Variants in DENND1A observed in about 807,000 individuals in gnomAD.
DENND1A encodes the protein DENN domain containing 1A.
DENND1A carries 51 observed loss-of-function variants against 113.7 expected under a neutral mutation model. The ratio of observed to expected loss-of-function variants is 0.45; its 90% CI spans 0.36 to 0.57. The LOEUF is 0.57. Ranked by LOEUF, DENND1A falls within the 20% of genes least tolerant of loss-of-function variation. The pLI, the probability that DENND1A is intolerant of heterozygous loss-of-function variation, is 0.00. For synonymous variants in DENND1A, 565 were observed against 570.8 expected, an observed-to-expected ratio of 0.99 and a Z score of 0.14; for missense variants, 1,258 against 1,395.9, an observed-to-expected ratio of 0.90 and a Z score of 1.57.
At chr9:123,837,834 A>G (rs1384759016) in intron 2 of DENND1A, among the ~76,000 whole-genome samples, 1 of 152,186 alleles carries the variant, frequency 6.6e-6, no homozygotes, top group Non-Finnish European at 1.5e-5. Context: ...AAACATATAA[A>G]CCAATGCAAT....
intron 21 of DENND1A, among the ~76,000 whole-genome samples, chr9:123,391,073 C>T (rs2042817200): frequency 6.6e-6 from 1 of 152,254 alleles, no homozygotes. Context: ...GCGCTGCCCA[C>T]ACTGCTGTGA....
intron 22 of DENND1A, among the ~76,000 whole-genome samples, chr9:123,385,388 C>T (rs541623696): frequency 1.7e-4 from 26 of 152,322 alleles, no homozygotes; most frequent in African/African-American, 6.3e-4. Context: ...TGGTCTCGAA[C>T]TCCTGACCTC....
chr9:123,456,189 G>C (rs1001629642), intron 15 of DENND1A, among the ~76,000 whole-genome samples: 1 of 146,290 alleles, frequency 6.8e-6, no homozygotes. Context: ...GCCTTGCTCT[G>C]TGAGCTTACA....
At chr9:123,729,923 G>A (rs915843243) in intron 5 of DENND1A, among the ~76,000 whole-genome samples, 4 of 152,018 alleles carry the variant, frequency 2.6e-5, no homozygotes, top group African/African-American at 9.7e-5. Flanking sequence ...ATAGACCAAG[G>A]GAACAGAACA....
chr9:123,924,758 C>T (rs913435190), intron 1 of DENND1A, among the ~76,000 whole-genome samples: 1 of 152,072 alleles, frequency 6.6e-6, no homozygotes, highest in Non-Finnish European at 1.5e-5. Flanking sequence ...ATTACCACAA[C>T]CTACAAGGCC....
chr9:123,737,178 A>G lies in DENND1A; in HGVS notation c.302+20525T>C, dbSNP rs1343620221. ...AATGTTTAATTTAACCTTTAATTCA[A>G]CTCAGTTTTGGTTGTTGTTGTTGTA... is the stretch of plus-strand genomic sequence containing the variant. On this transcript the variant is annotated intron_variant, in intron 5 of 23. Transcript: ENST00000394215. Among the ~76,000 whole-genome samples, 5 of 152,124 alleles carry G rather than the reference A, an allele frequency of 3.3e-5. No individual in the cohort carries two copies. The East Asian group carries it at 5.8e-4, about 18-fold the overall frequency.
intron 1 of DENND1A, among the ~76,000 whole-genome samples, chr9:123,914,550 A>AC (rs945667030): frequency 2.0e-5 from 3 of 151,204 alleles, no homozygotes; most frequent in African/African-American, 7.3e-5. Context: ...ATCTCAAAAA[A>AC]AAAAAAAAAA....
At chr9:123,690,831 A>G (rs962550255) in intron 5 of DENND1A, among the ~76,000 whole-genome samples, 4 of 152,234 alleles carry the variant, frequency 2.6e-5, no homozygotes, top group African/African-American at 9.7e-5. Context: ...TGAGCTTAGT[A>G]ACTGTGATGA....
chr9:123,599,041 T>C (rs733016), intron 11 of DENND1A, among the ~76,000 whole-genome samples: 3,523 of 152,206 alleles, frequency 0.023, 99 homozygotes, highest in African/African-American at 0.073. Context: ...AAAACAAAAC[T>C]TCAGTGCCAC....
intron 2 of DENND1A, among the ~76,000 whole-genome samples, chr9:123,828,836 G>A (rs1462421243): frequency 2.0e-5 from 3 of 152,144 alleles, no homozygotes; most frequent in African/African-American, 7.2e-5. Flanking sequence ...CAAGAAGGTT[G>A]CAGAACTGTC....
intron 5 of DENND1A, among the ~76,000 whole-genome samples, chr9:123,746,237 G>C (rs374329080): frequency 1.3e-5 from 2 of 152,132 alleles, no homozygotes; most frequent in African/African-American, 4.8e-5. Context: ...ATAGCATACA[G>C]GGACTTTATC....
intron 19 of DENND1A, among the ~76,000 whole-genome samples, chr9:123,415,271 A>AAT (rs1168928260): frequency 1.3e-5 from 2 of 152,048 alleles, no homozygotes; most frequent in Non-Finnish European, 2.9e-5. Context: ...GCACGAGGGG[A>AAT]TCCTGTCACC....
intron 9 of DENND1A, among the ~76,000 whole-genome samples, chr9:123,650,181 T>G (rs1460208919): frequency 1.3e-5 from 2 of 152,178 alleles, no homozygotes; most frequent in Middle Eastern, 3.2e-3. Flanking sequence ...CCTGAAATTA[T>G]GAACTGCACG....
intron 13 of DENND1A, among the ~76,000 whole-genome samples, chr9:123,471,228 G>C (rs975926589): frequency 6.6e-6 from 1 of 152,162 alleles, no homozygotes; most frequent in Non-Finnish European, 1.5e-5. Context: ...GGGAATGCAG[G>C]CTCTGCCACT....
chr9:123,802,759 A>G (rs1834897943), intron 2 of DENND1A, among the ~76,000 whole-genome samples: 1 of 151,112 alleles, frequency 6.6e-6, no homozygotes, highest in Non-Finnish European at 1.5e-5. Flanking sequence ...CTGGAGTTCA[A>G]TGGCGCGATC....
intron 5 of DENND1A, among the ~76,000 whole-genome samples, chr9:123,748,480 G>T (rs2069721421): frequency 6.6e-6 from 1 of 152,104 alleles, no homozygotes; most frequent in Non-Finnish European, 1.5e-5. Context: ...ACCTATTATT[G>T]CAGTCTTATG....
At chr9:123,399,873 G>A (rs916971428) in intron 21 of DENND1A, among the ~76,000 whole-genome samples, 1 of 152,226 alleles carries the variant, frequency 6.6e-6, no homozygotes, top group African/African-American at 2.4e-5. Flanking sequence ...GTGACCTTGG[G>A]AAGACTGGTC....
chr9:123,738,725 C>T (rs2068761238), intron 5 of DENND1A, among the ~76,000 whole-genome samples: 4 of 152,148 alleles, frequency 2.6e-5, no homozygotes, highest in African/African-American at 9.7e-5. Flanking sequence ...CCATTCAGAG[C>T]AACTTGAACT....
intron 13 of DENND1A, among the ~76,000 whole-genome samples, chr9:123,483,632 C>T (rs1011247876): frequency 1.3e-5 from 2 of 152,246 alleles, no homozygotes; most frequent in Admixed American, 6.5e-5. Context: ...TGATGGATAG[C>T]TTCTGAGGGA....
Sources: allele counts gnomAD v4.1 joint callset (sites outside exome capture counted in the v4.1 genomes callset), GRCh38; gene constraint gnomAD v4.1.1; transcripts MANE v1.5; gene names NCBI Gene and HGNC (gene_info 2026-07-23, HGNC 2026-07-21).